The following OTUD7B variants were observed in gnomAD, a reference collection of about 807,000 sequenced individuals.
OTUD7B encodes OTU deubiquitinase 7B, also known as OTU domain-containing protein 7B.
A neutral mutation model predicts 82.2 loss-of-function variants in OTUD7B; 34 were observed. The ratio of observed to expected loss-of-function variants is 0.41; its 90% CI spans 0.31 to 0.55. The LOEUF (loss-of-function observed/expected upper bound fraction) is 0.55. OTUD7B is among the 20% of genes least tolerant of loss of function. OTUD7B has a pLI of 0.20. For missense variants in OTUD7B, 944 were observed against 1,062.1 expected, an observed-to-expected ratio of 0.89 and a Z score of 1.55; for synonymous variants, 398 against 402.7, an observed-to-expected ratio of 0.99 and a Z score of 0.14.
chr1:149,993,706 A>G (rs1651747675), intron 1 of OTUD7B, among the ~76,000 whole-genome samples: 1 of 152,192 alleles, frequency 6.6e-6, no homozygotes, highest in Non-Finnish European at 1.5e-5. Context: ...TGTTTCCTTA[A>G]TCTTACTAAT....
At chr1:149,972,928 T>C (rs1235196194) in intron 2 of OTUD7B, among the ~76,000 whole-genome samples, 1 of 152,176 alleles carries the variant, frequency 6.6e-6, no homozygotes, top group African/African-American at 2.4e-5. Flanking sequence ...CCTCTTCCTA[T>C]GTTCCCTAAA....
chr1:149,940,429 G>A lies in OTUD7B; in HGVS notation c.*3428C>T, dbSNP rs1376396252. 6.6e-6 allele frequency: 1 copy of A among 152,146 alleles called. No homozygotes were observed. Among genetic ancestry groups the A allele is most frequent in the Non-Finnish European group, 1.5e-5 (1 of 68,030 alleles). The allele number at this position is 152,146 out of a possible 1,614,324, so 9.4% of individuals were successfully genotyped here. On this transcript the variant is annotated 3_prime_UTR_variant, in exon 12 of 12. Coordinates refer to ENST00000581312, the MANE Select transcript of OTUD7B (RefSeq NM_020205.4). ...TTTCAATAAATGCAGCATAGGTTAA[G>A]GGAGAAGCGGAGGCCTATCCTACAG...
rs1296913338 is a variant in OTUD7B at position 149,938,483 on chromosome 1, A to AAAAAACAG, written c.*5373_*5374insCTGTTTTT. The AAAAAACAG allele has an allele frequency of 2.4e-5, 2 of 82,914 alleles. No individual in the cohort carries two copies. Among genetic ancestry groups the AAAAAACAG allele is most frequent in the Non-Finnish European group, 4.2e-5 (2 of 47,568 alleles). The allele number at this position is 82,914 out of a possible 1,614,324, so 5.1% of individuals were successfully genotyped here. A position where few individuals can be genotyped will look rare whatever the true frequency, so the allele number is the denominator to read the frequency against. ...CGCAAAAAAAAAAAAAAAAAAAAAG[A>AAAAAACAG]CATAGGAAGAGGTGTGTACCATAAC... On this transcript the variant is annotated 3_prime_UTR_variant, in exon 12 of 12. Coordinates refer to ENST00000581312, the MANE Select transcript of OTUD7B (RefSeq NM_020205.4).
At chr1:150,017,358 T>C in the OTUD7B span, among the ~76,000 whole-genome samples, 7 of 152,170 alleles carry the variant, frequency 4.6e-5, no homozygotes, top group African/African-American at 1.7e-4. Context: ...CTTGGCAAGA[T>C]TGGGTGTGTT....
chr1:150,009,499 A>C (rs1415554277), intron 1 of OTUD7B, among the ~76,000 whole-genome samples: 1 of 152,244 alleles, frequency 6.6e-6, no homozygotes, highest in Non-Finnish European at 1.5e-5. Flanking sequence ...TACGTATAAA[A>C]AGATAAGGAA....
At chr1:149,945,944 C>T (rs185456024) in intron 11 of OTUD7B, among the ~76,000 whole-genome samples, 2 of 151,986 alleles carry the variant, frequency 1.3e-5, no homozygotes, top group African/African-American at 4.8e-5. Context: ...TCTGTAATCC[C>T]AGCTACTCAG....
At chr1:150,001,600 C>T (rs1314847624) in intron 1 of OTUD7B, among the ~76,000 whole-genome samples, 1 of 152,172 alleles carries the variant, frequency 6.6e-6, no homozygotes, top group Admixed American at 6.5e-5. Context: ...TCCAGTTACA[C>T]AGGAATTCAG....
chr1:149,944,256 G>A lies in OTUD7B; in HGVS notation c.2133C>T (p.Pro711=). ...ATGGACCCCCTGCCAACTGCCTCCG[G>A]GGTTCCTGGCAGTGGACTCCGCCCC... ...PSGGGVHCQE[P]RRQLAGGPCV... The change falls in exon 12 of 12, where the codon CCC becomes CCT. Residue 711 remains proline, a synonymous_variant. Coordinates refer to ENST00000581312, the MANE Select transcript of OTUD7B (RefSeq NM_020205.4). 6.2e-7 allele frequency: 1 copy of A among 1,611,942 alleles called. No individual in the cohort carries two copies. The highest frequency in any genetic ancestry group is 1.1e-5 in the South Asian group (1 of 90,878).
chr1:149,940,930 A>T lies in OTUD7B; in HGVS notation c.*2927T>A, dbSNP rs2092757680. On this transcript the variant is annotated 3_prime_UTR_variant, in exon 12 of 12. Coordinates refer to ENST00000581312, the MANE Select transcript of OTUD7B (RefSeq NM_020205.4). ...CAAAACAAACTTCACTATCTCCTAT[A>T]AAAAATATCCATTGTCTCAGGGTCT... The T allele has an allele frequency of 6.6e-6, 1 of 151,998 alleles. No individual in the cohort carries two copies. The highest frequency in any genetic ancestry group is 2.4e-5 in the African/African-American group (1 of 41,348). The allele number at this position is 151,998 out of a possible 1,614,324, so 9.4% of individuals were successfully genotyped here.
intron 3 of OTUD7B, 113 bp from the exon 4 acceptor site, chr1:149,967,634 TCTAA>T (rs1164202413): frequency 1.6e-5 from 11 of 677,242 alleles, no homozygotes; most frequent in Admixed American, 7.1e-5. Flanking sequence ...AAAAACTAAG[TCTAA>T]CTGACTACTG....
intron 10 of OTUD7B, 119 bp from the exon 11 acceptor site, chr1:149,947,454 G>A (rs1423869378): frequency 1.4e-5 from 8 of 586,662 alleles, no homozygotes; most frequent in Non-Finnish European, 2.6e-5. Flanking sequence ...GGTTGGGTTT[G>A]AACTATTTCT....
rs868925396 is a variant in OTUD7B at position 149,950,155 on chromosome 1, A to G, written c.912T>C (p.His304=). ...CGACGACTATGGGCCTCCTAAGCACATGAGCAAGGACAAAGACGTGAAACT... is the reference window on the plus strand; with the variant it reads ...CGACGACTATGGGCCTCCTAAGCACGTGAGCAAGGACAAAGACGTGAAACT... ...LEEFHVFVLA[H]VLRRPIVVVA... The change falls in exon 8 of 12, where the codon CAT becomes CAC. Residue 304 remains histidine, a synonymous_variant. Coordinates refer to ENST00000581312, the MANE Select transcript of OTUD7B (RefSeq NM_020205.4). 1.2e-6 allele frequency: 2 copies of G among 1,614,058 alleles called. No homozygotes were observed. Among genetic ancestry groups the G allele is most frequent in the Middle Eastern group, 1.6e-4 (1 of 6,084 alleles).
chr1:150,066,983 TC>T, the OTUD7B span: 1 of 152,026 alleles, frequency 6.6e-6, no homozygotes, highest in Non-Finnish European at 1.5e-5. This position sits in a 1 kb window ranked among gnomAD's most constrained non-coding sequence, Gnocchi z 4.6. Flanking sequence ...AGTTTCAGAG[TC>T]CCGCCGGAGT....
chr1:150,058,307 G>A, the OTUD7B span, among the ~76,000 whole-genome samples: 1 of 152,066 alleles, frequency 6.6e-6, no homozygotes, highest in East Asian at 1.9e-4. Context: ...AGGAGTTCGA[G>A]ATCAGCCTGG....
the OTUD7B span, among the ~76,000 whole-genome samples, chr1:150,042,374 T>C: frequency 6.6e-6 from 1 of 151,708 alleles, no homozygotes; most frequent in Non-Finnish European, 1.5e-5. Flanking sequence ...AGTTTCACCA[T>C]GTTGGCCAGG....
intron 2 of OTUD7B, 38 bp from the exon 3 acceptor site, chr1:149,971,289 A>ATAG (rs782431492): frequency 1.4e-6 from 2 of 1,479,206 alleles, no homozygotes; most frequent in Admixed American, 3.5e-5. Context: ...CTGTGCAACC[A>ATAG]TAGTATAGAG....
intron 10 of OTUD7B, among the ~76,000 whole-genome samples, chr1:149,948,065 C>T (rs900699091): frequency 2.0e-5 from 3 of 152,040 alleles, no homozygotes; most frequent in South Asian, 2.1e-4. Flanking sequence ...CTGCAACCTC[C>T]GCCTCCTGGA....
chr1:149,949,025 G>C lies in OTUD7B; in HGVS notation c.1182C>G (p.Asp394Glu). 6.2e-7 allele frequency: 1 copy of C among 1,614,120 alleles called. No homozygotes were observed. The highest frequency in any genetic ancestry group is 8.5e-7 in the Non-Finnish European group (1 of 1,179,966). ...YKLLPLHFAVDPGKGWEWGKD... is the reference protein window; with the variant it reads ...YKLLPLHFAVEPGKGWEWGKD... ...TGCCCCACTCCCAGCCCTTTCCAGG[G>C]TCCACAGCAAAGTGCAAGGGCAGCA... The change falls in exon 10 of 12, where the codon GAC becomes GAG. Residue 394 changes from aspartate to glutamate, a missense_variant. This residue lies in a region of OTUD7B where 530 missense variants were observed against 625.6 expected (regional missense o/e 0.85). Coordinates refer to ENST00000581312, the MANE Select transcript of OTUD7B (RefSeq NM_020205.4).
chr1:149,958,880 G>A (rs1229186848), intron 7 of OTUD7B, among the ~76,000 whole-genome samples: 1 of 149,568 alleles, frequency 6.7e-6, no homozygotes, highest in Non-Finnish European at 1.5e-5. Flanking sequence ...AAGTAGCTGG[G>A]ACTATAGGCA....
Sources: allele counts gnomAD v4.1 joint callset (sites outside exome capture counted in the v4.1 genomes callset), GRCh38; gene constraint gnomAD v4.1.1; regional missense constraint gnomAD v4.1.1; non-coding constraint Gnocchi (gnomAD v3.1); transcripts MANE v1.5; gene names NCBI Gene and HGNC (gene_info 2026-07-23, HGNC 2026-07-21).